Variants in BRINP3 observed in about 807,000 individuals in gnomAD.
BRINP3 encodes BMP/retinoic acid-inducible neural-specific protein 3.
A neutral mutation model predicts 71.0 loss-of-function variants in BRINP3; 19 were observed. That is an observed-to-expected ratio of 0.27 (90% CI 0.19 to 0.39). BRINP3 has a LOEUF of 0.39. BRINP3 is among the 10% of genes least tolerant of loss of function. The pLI is 1.00. For missense variants in BRINP3, 959 were observed against 940.8 expected, an observed-to-expected ratio of 1.02 and a Z score of -0.25; for synonymous variants, 380 against 337.7, an observed-to-expected ratio of 1.13 and a Z score of -1.37.
chr1:190,241,090 T>G (rs1447534546), intron 4 of BRINP3, among the ~76,000 whole-genome samples: 1 of 152,012 alleles, frequency 6.6e-6, no homozygotes, highest in South Asian at 2.1e-4. Context: ...TGGTAGAAAT[T>G]AAAAATGTTT....
At chr1:190,169,603 G>T (rs945239495) in intron 6 of BRINP3, among the ~76,000 whole-genome samples, 3 of 152,236 alleles carry the variant, frequency 2.0e-5, no homozygotes, top group Admixed American at 1.3e-4. Context: ...ATTATAATTT[G>T]TAGTTCAACA....
At chr1:190,226,500 C>T (rs370890229) in intron 5 of BRINP3, among the ~76,000 whole-genome samples, 182 bp from the exon 6 acceptor site, 36 of 151,896 alleles carry the variant, frequency 2.4e-4, no homozygotes, top group Non-Finnish European at 4.9e-4. Flanking sequence ...ACTCTTTCAA[C>T]ATATTCTGAC....
rs1006232228 is a variant in BRINP3 at position 190,454,763 on chromosome 1, G to C, written c.128C>G (p.Pro43Arg). Residue 43 changes from proline (P) to arginine (R), a missense_variant, in exon 2 of 8, where the codon CCC (proline) becomes CGC (arginine). Transcript: ENST00000367462. Reference sequence around the variant, plus strand: ...CTTATCAGAGAGGAGCCAGTCGAAGGGGCTTGTGGCATGCTGATCCGAAAC... The same window carrying C: ...CTTATCAGAGAGGAGCCAGTCGAAGCGGCTTGTGGCATGCTGATCCGAAAC... ...AAVSDQHATS[P>R]FDWLLSDKGP... is the part of the protein sequence containing the mutation. 6.2e-7 allele frequency: 1 copy of C among 1,614,138 alleles called. No individual in the cohort carries two copies. Among genetic ancestry groups the C allele is most frequent in the Non-Finnish European group, 8.5e-7 (1 of 1,180,022 alleles).
rs1180367434 is a variant in BRINP3, at chr1:190,312,036, AATATATATATATATATATATATAT to A, written c.237-30310_237-30287del. On this transcript the variant is annotated intron_variant, in intron 2 of 7. Transcript: ENST00000367462. ...AAAATACATGATATTTGAAAAGTCAAATATATATATATATATATATATATATATATATATATATATGTATTTCTA... is the reference window on the plus strand; with the variant it reads ...AAAATACATGATATTTGAAAAGTCAAATATATATATATATATGTATTTCTA... 1.7e-3 allele frequency among the ~76,000 whole-genome samples: 117 copies of A among 68,308 alleles called. 3 individuals are homozygous for A. Among genetic ancestry groups the A allele is most frequent in the Middle Eastern group, 0.015 (1 of 66 alleles). 44.8% of individuals were successfully genotyped at this position (68,308 alleles called of 152,430 possible).
intron 1 of BRINP3, chr1:190,475,911 TTA>T (rs1413185903): frequency 6.6e-6 from 1 of 152,202 alleles, no homozygotes; most frequent in Non-Finnish European, 1.5e-5. Flanking sequence ...TTGAATTGAA[TTA>T]TATGAAGCCC....
intron 2 of BRINP3, chr1:190,362,082 A>T (rs1429950006): frequency 6.6e-6 from 1 of 152,188 alleles, no homozygotes; most frequent in Non-Finnish European, 1.5e-5. Context: ...GCATACAGTG[A>T]GATGGCAGCA....
chr1:190,145,766 A>G (rs888890389), intron 7 of BRINP3, among the ~76,000 whole-genome samples: 2 of 152,132 alleles, frequency 1.3e-5, no homozygotes, highest in African/African-American at 4.8e-5. Flanking sequence ...AAGATATGAA[A>G]CCAACCTAAC....
Position 190,099,993 on chromosome 1 carries a change from TA to T in BRINP3, c.1185-860del, listed in dbSNP as rs553978168. 5.2e-3 allele frequency among the ~76,000 whole-genome samples: 789 copies of T among 152,324 alleles called. 4 individuals carry two copies. The highest frequency in any genetic ancestry group is 9.1e-3 in the Non-Finnish European group (617 of 68,000). On this transcript the variant is annotated intron_variant, in intron 7 of 7. Transcript: ENST00000367462. ...TGAGGGAAGAGCAATGGCCTTGTAA[TA>T]ACACAATTCCTTGTTTTCAGTTTGT...
At chr1:190,463,345 T>C (rs533861448) in intron 1 of BRINP3, among the ~76,000 whole-genome samples, 45 of 151,704 alleles carry the variant, frequency 3.0e-4, no homozygotes, top group Non-Finnish European at 6.2e-4. Flanking sequence ...TCCCATACAA[T>C]AGATAATGAC....
rs144622731 is a variant in BRINP3 at position 190,141,714 on chromosome 1, C to T, written c.1184+18954G>A. On this transcript the variant is annotated intron_variant, in intron 7 of 7. Transcript: ENST00000367462. ...TAGCTGGGTTACAGGCGTGTGCCAT[C>T]ATGCTGGGCTAATTTTTGTATTTTT... is the stretch of plus-strand genomic sequence containing the variant. 1.6e-4 allele frequency among the ~76,000 whole-genome samples: 25 copies of T among 151,958 alleles called. No homozygotes were observed. In the East Asian group the frequency reaches 4.7e-3, roughly 28 times the overall value.
chr1:190,191,620 G>T (rs1654042082), intron 6 of BRINP3, among the ~76,000 whole-genome samples: 1 of 152,078 alleles, frequency 6.6e-6, no homozygotes, highest in Non-Finnish European at 1.5e-5. Flanking sequence ...ATTCCATGGT[G>T]TATATGTGCC....
chr1:190,233,381 A>G (rs1378916780), intron 5 of BRINP3, among the ~76,000 whole-genome samples: 1 of 151,964 alleles, frequency 6.6e-6, no homozygotes, highest in East Asian at 1.9e-4. Context: ...AGGTCTCACT[A>G]TGTTGCCCAG....
intron 4 of BRINP3, among the ~76,000 whole-genome samples, chr1:190,252,147 T>A (rs541283251): frequency 6.6e-6 from 1 of 152,136 alleles, no homozygotes; most frequent in African/African-American, 2.4e-5. Flanking sequence ...TTCACCAAAA[T>A]GCATTCAACA....
At chr1:190,314,510 A>T (rs1665751884) in intron 2 of BRINP3, among the ~76,000 whole-genome samples, 1 of 152,150 alleles carries the variant, frequency 6.6e-6, no homozygotes, top group African/African-American at 2.4e-5. Flanking sequence ...GAGACATTGC[A>T]AAATAAGAAG....
intron 7 of BRINP3, among the ~76,000 whole-genome samples, chr1:190,121,670 G>C (rs957464644): frequency 6.6e-6 from 1 of 152,110 alleles, no homozygotes; most frequent in Non-Finnish European, 1.5e-5. Flanking sequence ...TAGGCAGTAA[G>C]TTCTTATTGA....
intron 2 of BRINP3, among the ~76,000 whole-genome samples, chr1:190,328,430 T>C (rs1489239478): frequency 6.6e-6 from 1 of 151,976 alleles, no homozygotes; most frequent in African/African-American, 2.4e-5. Flanking sequence ...TATGAATACC[T>C]CTACACTCAG....
At chr1:190,173,674 G>T (rs12090807) in intron 6 of BRINP3, among the ~76,000 whole-genome samples, 2,219 of 152,236 alleles carry the variant, frequency 0.015, 43 homozygotes, top group African/African-American at 0.05. Flanking sequence ...TGTTTGTGAA[G>T]ATATTTTGTA....
chr1:190,286,163 G>C (rs1275891053), intron 2 of BRINP3, among the ~76,000 whole-genome samples: 3 of 151,994 alleles, frequency 2.0e-5, no homozygotes, highest in Non-Finnish European at 4.4e-5. Flanking sequence ...GCCTCTATTT[G>C]TTTATTAGAG....
At chr1:190,411,761 G>T (rs1040647191) in intron 2 of BRINP3, among the ~76,000 whole-genome samples, 3 of 152,058 alleles carry the variant, frequency 2.0e-5, no homozygotes, top group Non-Finnish European at 2.9e-5. Context: ...TGAAATAACA[G>T]GATACCTGAT....
Sources: allele counts gnomAD v4.1 joint callset (sites outside exome capture counted in the v4.1 genomes callset), GRCh38; gene constraint gnomAD v4.1.1; transcripts MANE v1.5; gene names NCBI Gene and HGNC (gene_info 2026-07-23, HGNC 2026-07-21).